Variants in GRK5 observed in about 807,000 individuals in gnomAD.
GRK5 encodes the protein g protein-coupled receptor kinase GRK5.
In GRK5, 40 loss-of-function variants were observed where a neutral mutation model predicts 78.4. The ratio of observed to expected loss-of-function variants is 0.51; its 90% CI spans 0.40 to 0.66. The LOEUF (loss-of-function observed/expected upper bound fraction) is 0.66, where lower values mean the gene tolerates loss of function less well. Ranked by LOEUF, GRK5 falls within the 30% of genes least tolerant of loss-of-function variation. The pLI is 0.00. For missense variants in GRK5, 598 were observed against 759.9 expected (o/e 0.79, Z 2.50); for synonymous variants, 289 against 296.8 (o/e 0.97, Z 0.27).
At chr10:119,441,045 G>A (rs1257729464) in intron 10 of GRK5, among the ~76,000 whole-genome samples, 1 of 152,258 alleles carries the variant, frequency 6.6e-6, no homozygotes, top group Non-Finnish European at 1.5e-5. Flanking sequence ...CCCCAGTAGA[G>A]GGAGGGGAGA....
chr10:119,440,813 T>C (rs1443606753), intron 10 of GRK5, among the ~76,000 whole-genome samples: 1 of 152,080 alleles, frequency 6.6e-6, no homozygotes, highest in African/African-American at 2.4e-5. Context: ...GGCCTCCCTA[T>C]GTGCTGGGAT....
intron 1 of GRK5, among the ~76,000 whole-genome samples, chr10:119,262,419 A>G (rs1340095949): frequency 7.5e-6 from 1 of 133,712 alleles, no homozygotes; most frequent in African/African-American, 2.9e-5. Context: ...GCTCAGCACA[A>G]CCTCCGCCTC....
At chr10:119,284,660 T>G (rs542165853) in intron 1 of GRK5, among the ~76,000 whole-genome samples, 2 of 152,178 alleles carry the variant, frequency 1.3e-5, no homozygotes, top group South Asian at 4.1e-4. Flanking sequence ...CAGTCGTCAG[T>G]GGGTGAATAT....
chr10:119,344,541 C>T (rs1348051552), intron 2 of GRK5, among the ~76,000 whole-genome samples: 3 of 152,226 alleles, frequency 2.0e-5, no homozygotes, highest in African/African-American at 7.2e-5. Context: ...CAGCTGTTCC[C>T]GCTGCCCACC....
intron 1 of GRK5, among the ~76,000 whole-genome samples, chr10:119,286,063 A>C (rs1471574914): frequency 2.0e-5 from 3 of 152,190 alleles, no homozygotes; most frequent in African/African-American, 7.2e-5. Flanking sequence ...TTTCATTTTT[A>C]TTAACCCCAC....
At chr10:119,376,375 T>C (rs1003731203) in intron 2 of GRK5, among the ~76,000 whole-genome samples, 26 of 151,952 alleles carry the variant, frequency 1.7e-4, no homozygotes, top group African/African-American at 6.0e-4. Flanking sequence ...CACCCACATA[T>C]CCCCACGTGT....
chr10:119,302,694 T>C (rs1464405794), intron 1 of GRK5, among the ~76,000 whole-genome samples: 1 of 152,158 alleles, frequency 6.6e-6, no homozygotes, highest in East Asian at 1.9e-4. Flanking sequence ...TGTAAATACT[T>C]CTTGGGGCCA....
chr10:119,235,590 C>T (rs1332568211), intron 1 of GRK5, among the ~76,000 whole-genome samples: 2 of 152,128 alleles, frequency 1.3e-5, no homozygotes, highest in African/African-American at 2.4e-5. Flanking sequence ...CTCCATGAAG[C>T]TCATGAATTG....
chr10:119,287,097 G>A (rs1564877230), intron 1 of GRK5, among the ~76,000 whole-genome samples: 1 of 149,594 alleles, frequency 6.7e-6, no homozygotes, highest in Non-Finnish European at 1.5e-5. Flanking sequence ...AGGGAGAGAG[G>A]AAGGGAGAGA....
intron 2 of GRK5, among the ~76,000 whole-genome samples, chr10:119,349,331 T>C (rs1589758452): frequency 1.3e-5 from 2 of 152,152 alleles, no homozygotes; most frequent in African/African-American, 4.8e-5. Context: ...GAGGTGGCCG[T>C]AGTGATGCTG....
At chr10:119,240,616 G>A (rs1335820633) in intron 1 of GRK5, among the ~76,000 whole-genome samples, 1 of 151,908 alleles carries the variant, frequency 6.6e-6, no homozygotes, top group Non-Finnish European at 1.5e-5. Context: ...TATGTTTGTT[G>A]GCCACATAAA....
In GRK5 at chr10:119,431,798, C is replaced by G. The variant is rs1852825561; in HGVS notation, c.738+271C>G. On this transcript the variant is annotated intron_variant, in intron 8 of 15. Transcript: ENST00000392870. The surrounding 1 kb of genome is among the most constrained non-coding windows in gnomAD (Gnocchi z 4.8). ...AGACCGACGCCTCTGTTCTCCTGGA[C>G]CACTTTGTAAACTCCTCAGTGGACA... Among the ~76,000 whole-genome samples the G allele has an allele frequency of 6.6e-6, 1 of 152,238 alleles. No individual in the cohort carries two copies. Among genetic ancestry groups the G allele is most frequent in the South Asian group, 2.1e-4 (1 of 4,834 alleles).
intron 1 of GRK5, among the ~76,000 whole-genome samples, chr10:119,227,054 C>T (rs7082584): frequency 0.045 from 6,912 of 152,118 alleles, 497 homozygotes; most frequent in African/African-American, 0.16. Context: ...AGACGTTTCA[C>T]TGTGTTGGCT....
chr10:119,212,068 G>A (rs1212578065), intron 1 of GRK5, among the ~76,000 whole-genome samples: 1 of 152,052 alleles, frequency 6.6e-6, no homozygotes, highest in Non-Finnish European at 1.5e-5. Context: ...CTTACCAAGC[G>A]ACAGCTTTCA....
chr10:119,423,617 A>G (rs552161595), intron 5 of GRK5, among the ~76,000 whole-genome samples: 1 of 152,198 alleles, frequency 6.6e-6, no homozygotes, highest in East Asian at 1.9e-4. Context: ...ATGCAGGGGG[A>G]GCTTCTCAGC....
At chr10:119,302,813 G>C (rs746813728) in intron 1 of GRK5, among the ~76,000 whole-genome samples, 1 of 152,122 alleles carries the variant, frequency 6.6e-6, no homozygotes, top group Non-Finnish European at 1.5e-5. Flanking sequence ...GGGTTCCCTG[G>C]GGCCTCTCTG....
intron 1 of GRK5, among the ~76,000 whole-genome samples, chr10:119,240,185 C>A (rs1849000009): frequency 6.8e-6 from 1 of 147,690 alleles, no homozygotes; most frequent in Non-Finnish European, 1.5e-5. Flanking sequence ...CATCTGTTTC[C>A]CGACTTTTTT....
intron 4 of GRK5, among the ~76,000 whole-genome samples, chr10:119,399,165 T>C (rs944075953): frequency 2.6e-5 from 4 of 152,206 alleles, no homozygotes; most frequent in Non-Finnish European, 4.4e-5. Context: ...CAGCATTTTT[T>C]CCCTTAAGTT....
chr10:119,397,902 C>T (rs1485003957), intron 4 of GRK5, among the ~76,000 whole-genome samples: 1 of 152,258 alleles, frequency 6.6e-6, no homozygotes, highest in East Asian at 1.9e-4. Flanking sequence ...TGTTGCCTCC[C>T]CTTGCTGTTT....
Sources: gnomAD v4.1 joint callset for allele counts (sites outside exome capture counted in the v4.1 genomes callset) on GRCh38, gnomAD v4.1.1 for gene constraint, Gnocchi (gnomAD v3.1) non-coding constraint, MANE v1.5 for transcripts, NCBI Gene and HGNC (gene_info 2026-07-23, HGNC 2026-07-21) for gene names.